The following SNTG1 variants were observed in gnomAD, a reference collection of about 807,000 sequenced individuals.
SNTG1 encodes syntrophin gamma 1.
A neutral mutation model predicts 74.7 loss-of-function variants in SNTG1; 39 were observed. That is an observed-to-expected ratio of 0.52 (90% CI 0.40 to 0.68). The LOEUF is 0.68. SNTG1 is among the 30% of genes least tolerant of loss of function. The probability of loss-of-function intolerance (pLI) is 0.00; values close to 1 mark genes in which losing one functional copy is unlikely to be tolerated. For missense variants in SNTG1, 685 were observed against 609.5 expected (o/e 1.12, Z -1.30); for synonymous variants, 254 against 217.1 (o/e 1.17, Z -1.49).
chr8:50,677,013 A>G (rs1361282213), intron 15 of SNTG1, among the ~76,000 whole-genome samples: 1 of 151,916 alleles, frequency 6.6e-6, no homozygotes, highest in African/African-American at 2.4e-5. Context: ...TACAAAATAA[A>G]CCAACATCTT....
At chr8:50,263,793 G>T (rs867425523) in intron 2 of SNTG1, among the ~76,000 whole-genome samples, 1 of 152,130 alleles carries the variant, frequency 6.6e-6, no homozygotes, top group African/African-American at 2.4e-5. Context: ...AGCAGAAAAA[G>T]CACAATAATG....
intron 1 of SNTG1, among the ~76,000 whole-genome samples, chr8:50,129,050 G>A (rs62516670): frequency 0.011 from 1,631 of 152,150 alleles, 16 homozygotes; most frequent in Non-Finnish European, 0.017. Flanking sequence ...TAAAATTGAT[G>A]ACAGACAACT....
intron 15 of SNTG1, 111 bp from the exon 16 acceptor site, chr8:50,704,489 A>C: frequency 4.8e-6 from 4 of 838,970 alleles, no homozygotes; most frequent in Non-Finnish European, 4.9e-6. Context: ...GTGAATTCGC[A>C]GAGTGTTGTC....
intron 18 of SNTG1, among the ~76,000 whole-genome samples, chr8:50,779,867 G>A (rs527453227): frequency 0.016 from 2,490 of 151,800 alleles, 40 homozygotes; most frequent in Middle Eastern, 0.034. Context: ...ATTATTTTGA[G>A]ATATGTCCCA....
chr8:50,020,418 C>T (rs1816718305), intron 1 of SNTG1, among the ~76,000 whole-genome samples: 1 of 152,080 alleles, frequency 6.6e-6, no homozygotes, highest in Non-Finnish European at 1.5e-5. Flanking sequence ...TTAATGCAAG[C>T]ACAGCCAAGC....
intron 2 of SNTG1, among the ~76,000 whole-genome samples, chr8:50,293,494 C>T (rs943815267): frequency 2.0e-5 from 3 of 151,454 alleles, no homozygotes; most frequent in East Asian, 3.9e-4. Flanking sequence ...ACTGCAACCT[C>T]TGCCTCCTGG....
chr8:49,995,832 T>C (rs1449835706), intron 1 of SNTG1, among the ~76,000 whole-genome samples: 1 of 152,208 alleles, frequency 6.6e-6, no homozygotes, highest in Non-Finnish European at 1.5e-5. Context: ...GTCACTTACA[T>C]ACCATTTATT....
chr8:50,616,458 C>A (rs2094886075), intron 13 of SNTG1, among the ~76,000 whole-genome samples: 1 of 152,058 alleles, frequency 6.6e-6, no homozygotes, highest in Admixed American at 6.6e-5. Context: ...TGGAAAAAAG[C>A]AAGAACAGGA....
At chr8:50,092,195 A>G (rs1043437826) in intron 1 of SNTG1, among the ~76,000 whole-genome samples, 12 of 152,222 alleles carry the variant, frequency 7.9e-5, no homozygotes, top group Admixed American at 6.5e-4. Context: ...GAAGGAGGAC[A>G]TAGCAGGGAC....
At chr8:50,760,687 G>T (rs1280149545) in intron 18 of SNTG1, among the ~76,000 whole-genome samples, 1 of 151,874 alleles carries the variant, frequency 6.6e-6, no homozygotes, top group African/African-American at 2.4e-5. Flanking sequence ...ATGATAAAAA[G>T]AATATCACCA....
chr8:50,116,040 G>T (rs578072580), intron 1 of SNTG1, among the ~76,000 whole-genome samples: 1 of 152,226 alleles, frequency 6.6e-6, no homozygotes, highest in South Asian at 2.1e-4. Flanking sequence ...TTGAGTGTTT[G>T]TTATGCTCAA....
chr8:50,398,794 C>G (rs865976115), intron 3 of SNTG1, among the ~76,000 whole-genome samples: 15 of 152,048 alleles, frequency 9.9e-5, no homozygotes, highest in African/African-American at 3.6e-4. Context: ...AGCTGGGTGT[C>G]ATGGCAGGCA....
intron 13 of SNTG1, among the ~76,000 whole-genome samples, chr8:50,604,151 G>T (rs1267365993): frequency 6.6e-6 from 1 of 152,196 alleles, no homozygotes. Context: ...GGGTACAGAG[G>T]CTCATGCCTG....
At chr8:50,367,544 G>C (rs981911414) in intron 2 of SNTG1, among the ~76,000 whole-genome samples, 3 of 151,850 alleles carry the variant, frequency 2.0e-5, no homozygotes, top group African/African-American at 7.3e-5. Flanking sequence ...TACTATTTTT[G>C]ATAATGACTC....
intron 15 of SNTG1, among the ~76,000 whole-genome samples, chr8:50,687,211 A>T (rs1362073031): frequency 2.0e-5 from 3 of 152,024 alleles, no homozygotes; most frequent in African/African-American, 7.2e-5. Flanking sequence ...TGAAACCACA[A>T]AGAAAGACAG....
At chr8:50,739,222 A>G (rs912592156) in intron 17 of SNTG1, among the ~76,000 whole-genome samples, 7 of 152,142 alleles carry the variant, frequency 4.6e-5, no homozygotes, top group Non-Finnish European at 8.8e-5. Flanking sequence ...TACAAGAAAA[A>G]AACAAACAAC....
At chr8:50,629,031 T>C (rs1452048186) in intron 13 of SNTG1, among the ~76,000 whole-genome samples, 1 of 152,106 alleles carries the variant, frequency 6.6e-6, no homozygotes, top group Non-Finnish European at 1.5e-5. Context: ...CTTGAAATCA[T>C]AGAAGCAGAG....
intron 13 of SNTG1, among the ~76,000 whole-genome samples, chr8:50,639,148 A>T (rs1245018109): frequency 6.6e-6 from 1 of 151,918 alleles, no homozygotes; most frequent in Non-Finnish European, 1.5e-5. Flanking sequence ...TGGAAATACA[A>T]GTTTAAAGTT....
chr8:49,990,060 G>C (rs1195786249), intron 1 of SNTG1, among the ~76,000 whole-genome samples: 1 of 151,834 alleles, frequency 6.6e-6, no homozygotes, highest in Non-Finnish European at 1.5e-5. Context: ...CTGTGCTCTT[G>C]CCACTTCTAT....
Sources: gnomAD v4.1 joint callset for allele counts (sites outside exome capture counted in the v4.1 genomes callset) on GRCh38, gnomAD v4.1.1 for gene constraint, MANE v1.5 for transcripts, NCBI Gene and HGNC (gene_info 2026-07-23, HGNC 2026-07-21) for gene names.